The following ARPC5L variants were observed in gnomAD, a reference collection of about 807,000 sequenced individuals.
ARPC5L encodes actin related protein 2/3 complex subunit 5 like, also known as actin-related protein 2/3 complex subunit 5-like protein.
Under a neutral mutation model 16.9 loss-of-function variants are expected in ARPC5L, and 4 were observed. The observed-to-expected ratio is 0.24, with a 90% CI of 0.12 to 0.54. The LOEUF (loss-of-function observed/expected upper bound fraction) is 0.54, where lower values mean the gene tolerates loss of function less well. Among genes scored for constraint, ARPC5L ranks in the 20% least tolerant of loss-of-function variants. The pLI, the probability that ARPC5L is intolerant of heterozygous loss-of-function variation, is 0.95. For missense variants in ARPC5L, 151 were observed against 201.9 expected (o/e 0.75, Z 1.53); for synonymous variants, 78 against 82.6 (o/e 0.94, Z 0.30).
rs1829310704 is a variant in ARPC5L at position 124,869,036 on chromosome 9, C to A, written c.-255C>A. Reference sequence around the variant, plus strand: ...AAATAGAGACTCCGTGGAAGGGACACTGAGGTGGGGGAGGCTGCGGTGATC... The same window carrying A: ...AAATAGAGACTCCGTGGAAGGGACAATGAGGTGGGGGAGGCTGCGGTGATC... On this transcript the variant is annotated 5_prime_UTR_variant, in exon 3 of 6. The change creates a new upstream start codon in the 5' untranslated region. Coordinates refer to ENST00000353214, the MANE Select transcript of ARPC5L (RefSeq NM_030978.3). The A allele has an allele frequency of 2.1e-5, 8 of 376,392 alleles. No individual in the cohort carries two copies. The East Asian group carries it at 3.4e-4, about 16-fold the overall frequency. 23.3% of individuals were successfully genotyped at this position (376,392 alleles called of 1,614,324 possible).
chr9:124,866,783 G>A (rs1002675593), intron 2 of ARPC5L, among the ~76,000 whole-genome samples: 2 of 152,056 alleles, frequency 1.3e-5, no homozygotes, highest in Non-Finnish European at 2.9e-5. Flanking sequence ...TGCCTGGTTG[G>A]GCTACCACTG....
intron 3 of ARPC5L, among the ~76,000 whole-genome samples, chr9:124,870,630 A>C (rs960523166): frequency 1.2e-4 from 18 of 152,236 alleles, no homozygotes; most frequent in African/African-American, 4.3e-4. Flanking sequence ...CCCCATCAGG[A>C]TCTCCCAATC....
intron 5 of ARPC5L, among the ~76,000 whole-genome samples, chr9:124,876,183 T>C (rs1341549332): frequency 6.6e-6 from 1 of 151,504 alleles, no homozygotes; most frequent in Admixed American, 6.6e-5. Flanking sequence ...TGAGAACCCA[T>C]CTCTACAAAA....
intron 3 of ARPC5L, among the ~76,000 whole-genome samples, chr9:124,871,489 T>A (rs1829359686): frequency 6.6e-6 from 1 of 152,106 alleles, no homozygotes; most frequent in African/African-American, 2.4e-5. Flanking sequence ...GGGAGGAGCT[T>A]GGGTGTGAGG....
chr9:124,870,730 A>G (rs1407100746), intron 3 of ARPC5L, among the ~76,000 whole-genome samples: 3 of 152,196 alleles, frequency 2.0e-5, no homozygotes, highest in Admixed American at 6.5e-5. Flanking sequence ...ATGGACAGTC[A>G]GTGCTGAAAG....
intron 3 of ARPC5L, chr9:124,873,228 C>T (rs1339908199): frequency 6.3e-6 from 1 of 159,508 alleles, no homozygotes; most frequent in Non-Finnish European, 1.4e-5. Context: ...TCTAGCACAT[C>T]TTAATTTCCT....
At chr9:124,876,855 G>T in intron 5 of ARPC5L, 23 bp from the exon 6 acceptor site, 5 of 1,606,462 alleles carry the variant, frequency 3.1e-6, no homozygotes, top group Non-Finnish European at 4.2e-6. Context: ...CATCTGACAC[G>T]TTTTCTTTTC....
chr9:124,874,937 C>G (rs780165306), intron 4 of ARPC5L, 38 bp from the exon 5 acceptor site: 3 of 1,611,686 alleles, frequency 1.9e-6, no homozygotes, highest in South Asian at 1.1e-5. Flanking sequence ...GCGGTGCCTT[C>G]GCAGCTCTGG....
intron 2 of ARPC5L, among the ~76,000 whole-genome samples, chr9:124,864,774 G>A (rs1478060655): frequency 6.6e-6 from 1 of 151,948 alleles, no homozygotes; most frequent in South Asian, 2.1e-4. Flanking sequence ...AAAGTGCTGC[G>A]ATTACAGGCA....
intron 3 of ARPC5L, among the ~76,000 whole-genome samples, chr9:124,870,944 G>A (rs185746061): frequency 2.6e-5 from 4 of 152,198 alleles, no homozygotes; most frequent in Non-Finnish European, 5.9e-5. Flanking sequence ...TCATGGCAGC[G>A]TCAGAAGCGT....
Position 124,873,707 on chromosome 9 carries a change from G to A in ARPC5L, c.165G>A (p.Arg55=), listed in dbSNP as rs36037375. 16 of 1,614,178 alleles carry A rather than the reference G, an allele frequency of 9.9e-6. No individual in the cohort carries two copies. In the East Asian group the frequency reaches 3.6e-4, roughly 36 times the overall value. The part of the protein sequence containing the change: ...DGLLRQGDML[R]AFHAALRNSP... ...GGTGATGCACAGGGGACATGCTTCGGGCATTCCATGCAGCCTTGCGGAACT... is the reference window on the plus strand; with the variant it reads ...GGTGATGCACAGGGGACATGCTTCGAGCATTCCATGCAGCCTTGCGGAACT... Residue 55 remains arginine, a synonymous_variant, in exon 4 of 6, where the codon CGG becomes CGA. Transcript: ENST00000353214.
rs548655079 is a variant in ARPC5L, at chr9:124,876,324, T to C, written c.400-554T>C. ...CAACATGGTGAAACCCCGTCTCTAC[T>C]AAAAATACAAAAATTAGCCGGGGGT... On this transcript the variant is annotated intron_variant, in intron 5 of 5. Coordinates refer to ENST00000353214, the MANE Select transcript of ARPC5L (RefSeq NM_030978.3). Among the ~76,000 whole-genome samples the C allele has an allele frequency of 5.9e-5, 9 of 152,058 alleles. No homozygotes were observed. The East Asian group carries it at 1.7e-3, about 29-fold the overall frequency.
At position 124,869,078 on chromosome 9, in the gene ARPC5L, G is replaced by C. The variant is rs563109092; in HGVS notation, c.-213G>C. 6.8e-6 allele frequency: 3 copies of C among 443,688 alleles called. No individual in the cohort carries two copies. The highest frequency in any genetic ancestry group is 4.1e-5 in the African/African-American group (2 of 48,314). The allele number at this position is 443,688 out of a possible 1,614,324, so 27.5% of individuals were successfully genotyped here. ...GCGGTGATCCCATACCGCACTCCAG[G>C]TGCCAGGCTCCGCCCCGCCCCTGAC... On this transcript the variant is annotated 5_prime_UTR_variant, in exon 3 of 6. Coordinates refer to ENST00000353214, the MANE Select transcript of ARPC5L (RefSeq NM_030978.3).
At chr9:124,867,525 C>T (rs961213058) in intron 2 of ARPC5L, among the ~76,000 whole-genome samples, 1 of 152,150 alleles carries the variant, frequency 6.6e-6, no homozygotes, top group Non-Finnish European at 1.5e-5. Flanking sequence ...GCCCTGACAT[C>T]GTATAATATG....
intron 3 of ARPC5L, among the ~76,000 whole-genome samples, chr9:124,869,710 C>T (rs1588042685): frequency 6.6e-6 from 1 of 152,230 alleles, no homozygotes; most frequent in Non-Finnish European, 1.5e-5. Context: ...CCTCGGCACC[C>T]CCGCAGGTCC....
At position 124,877,211 on chromosome 9, in the gene ARPC5L, G is replaced by C. The variant is rs1051321; in HGVS notation, c.*271G>C. 2.4e-6 allele frequency: 1 copy of C among 408,312 alleles called. No homozygotes were observed. Among genetic ancestry groups the C allele is most frequent in the Non-Finnish European group, 4.4e-6 (1 of 227,180 alleles). The allele number at this position is 408,312 out of a possible 1,614,324, so 25.3% of individuals were successfully genotyped here. A position where few individuals can be genotyped will look rare whatever the true frequency, so the allele number is the denominator to read the frequency against. ...CCAGCGTGGCGGCTGGTGTTGGTCA[G>C]ATGCACCTGTGTGCACTGGGGGAGG... is the stretch of plus-strand genomic sequence containing the variant. On this transcript the variant is annotated 3_prime_UTR_variant, in exon 6 of 6. Transcript: ENST00000353214.
intron 5 of ARPC5L, 128 bp from the exon 6 acceptor site, chr9:124,876,746 ATCTC>A: frequency 1.4e-6 from 1 of 714,744 alleles, no homozygotes; most frequent in Admixed American, 2.9e-5. Context: ...AATGTGCTCT[ATCTC>A]AGGAATCCTC....
Position 124,876,865 on chromosome 9 carries a change from C to T in ARPC5L, c.400-13C>T, listed in dbSNP as rs749752985. 3 of 1,609,150 alleles carry T rather than the reference C, an allele frequency of 1.9e-6. No individual in the cohort carries two copies. Among genetic ancestry groups the T allele is most frequent in the South Asian group, 2.2e-5 (2 of 89,922 alleles). Reference sequence around the variant, plus strand: ...GGTCTCATCTGACACGTTTTCTTTTCCTGCCCCCACAGGCCTTAGCAGTAG... The same window carrying T: ...GGTCTCATCTGACACGTTTTCTTTTTCTGCCCCCACAGGCCTTAGCAGTAG... On this transcript the variant is annotated splice_polypyrimidine_tract_variant and intron_variant, in intron 5 of 5. Transcript: ENST00000353214.
rs1157213518 is a variant in ARPC5L at position 124,868,636 on chromosome 9, C to T, written c.-655C>T. ...GATCGCACTAAACGTATTTAAAGCC[C>T]CCTACTCCTTTAAGAGGGTCACCTC... On this transcript the variant is annotated 5_prime_UTR_variant, in exon 3 of 6. Transcript: ENST00000353214. The T allele has an allele frequency of 1.3e-5, 2 of 152,272 alleles. No homozygotes were observed. The highest frequency in any genetic ancestry group is 2.9e-5 in the Non-Finnish European group (2 of 68,056). The allele number at this position is 152,272 out of a possible 1,614,324, so 9.4% of individuals were successfully genotyped here.
Sources: allele counts gnomAD v4.1 joint callset (sites outside exome capture counted in the v4.1 genomes callset), GRCh38; gene constraint gnomAD v4.1.1; transcripts MANE v1.5; gene names NCBI Gene and HGNC (gene_info 2026-07-23, HGNC 2026-07-21).